Variants in TMEM163 observed in about 807,000 individuals in gnomAD.
The protein encoded by TMEM163 is transmembrane protein 163.
Under a neutral mutation model 29.3 loss-of-function variants are expected in TMEM163, and 17 were observed. That is an observed-to-expected ratio of 0.58 (90% confidence interval 0.40 to 0.87). The LOEUF is 0.87. Ranked by LOEUF, TMEM163 falls within the 40% of genes least tolerant of loss-of-function variation. The pLI is 0.00. For missense variants in TMEM163, 303 were observed against 381.5 expected (o/e 0.79, Z 1.71); for synonymous variants, 157 against 160.6 (o/e 0.98, Z 0.17).
chr2:134,532,411 CG>C (rs1680435707), intron 4 of TMEM163, among the ~76,000 whole-genome samples: 1 of 152,172 alleles, frequency 6.6e-6, no homozygotes, highest in Admixed American at 6.5e-5. Flanking sequence ...ACAACAGATG[CG>C]GAAAAATTAC....
At chr2:134,506,871 C>T (rs1679836230) in intron 4 of TMEM163, among the ~76,000 whole-genome samples, 1 of 152,164 alleles carries the variant, frequency 6.6e-6, no homozygotes. Context: ...TGGCCTCAAC[C>T]CAGAAAGGCT....
At chr2:134,601,128 T>C (rs1361732008) in intron 2 of TMEM163, among the ~76,000 whole-genome samples, 1 of 152,160 alleles carries the variant, frequency 6.6e-6, no homozygotes, top group East Asian at 1.9e-4. Flanking sequence ...ATTTTACAAC[T>C]GCAATGGAGG....
At chr2:134,693,400 A>G (rs1684515517) in intron 2 of TMEM163, among the ~76,000 whole-genome samples, 1 of 152,152 alleles carries the variant, frequency 6.6e-6, no homozygotes. Context: ...TGAGGTCAGG[A>G]GTTCGAGACC....
chr2:134,571,139 T>C (rs1457475447), intron 2 of TMEM163, among the ~76,000 whole-genome samples: 1 of 152,158 alleles, frequency 6.6e-6, no homozygotes, highest in African/African-American at 2.4e-5. Context: ...CTTCAACAAG[T>C]TCCCCTCAAA....
In TMEM163 at chr2:134,630,686, C is replaced by A. The variant is rs144521053; in HGVS notation, c.323-78595G>T. On this transcript the variant is annotated intron_variant, in intron 2 of 7. Coordinates refer to ENST00000281924, the MANE Select transcript of TMEM163 (RefSeq NM_030923.5). ...CAGGGGTCTGACAGCCAGGTCCTCT[C>A]CCCTGGGCCCCTCCCTCCCTACCCA... is the stretch of plus-strand genomic sequence containing the variant. Among the ~76,000 whole-genome samples the A allele has an allele frequency of 7.0e-4, 106 of 152,294 alleles. No homozygotes were observed. In the South Asian group the frequency reaches 8.5e-3, roughly 12 times the overall value.
chr2:134,705,244 ACCC>A (rs1684785095), intron 2 of TMEM163, among the ~76,000 whole-genome samples: 1 of 151,940 alleles, frequency 6.6e-6, no homozygotes, highest in African/African-American at 2.4e-5. Flanking sequence ...TGATGCCCTA[ACCC>A]CCAGTACCCC....
rs546189079 is a variant in TMEM163, at chr2:134,610,482, A to G, written c.323-58391T>C. Among the ~76,000 whole-genome samples, 67 of 152,302 alleles carry G rather than the reference A, an allele frequency of 4.4e-4. No homozygotes were observed. In the South Asian group the frequency reaches 6.4e-3, roughly 15 times the overall value. On this transcript the variant is annotated intron_variant, in intron 2 of 7. Transcript: ENST00000281924. Reference sequence around the variant, plus strand: ...GTGGTCTGGGGGGAGGTCTGGGGACATACAGTCCCGGTGGATTCCCAAGTG... The same window carrying G: ...GTGGTCTGGGGGGAGGTCTGGGGACGTACAGTCCCGGTGGATTCCCAAGTG...
chr2:134,517,367 C>T (rs895109201), intron 4 of TMEM163, among the ~76,000 whole-genome samples: 14 of 152,178 alleles, frequency 9.2e-5, no homozygotes, highest in South Asian at 8.3e-4. Context: ...TGGGGAATTA[C>T]GGAGAAATAG....
chr2:134,571,269 C>T (rs893716515), intron 2 of TMEM163, among the ~76,000 whole-genome samples: 2 of 152,194 alleles, frequency 1.3e-5, no homozygotes, highest in African/African-American at 4.8e-5. Context: ...TGCCCATATA[C>T]TGTCTCGCTT....
At chr2:134,600,049 T>A (rs1366038711) in intron 2 of TMEM163, among the ~76,000 whole-genome samples, 1 of 152,202 alleles carries the variant, frequency 6.6e-6, no homozygotes, top group Non-Finnish European at 1.5e-5. Context: ...AGCAGGAGTT[T>A]GTCTGCTTTG....
intron 4 of TMEM163, among the ~76,000 whole-genome samples, chr2:134,503,243 A>G (rs1304261957): frequency 6.6e-6 from 1 of 152,236 alleles, no homozygotes; most frequent in Admixed American, 6.5e-5. Context: ...AGCTCACAGC[A>G]TACCATGAAT....
intron 2 of TMEM163, among the ~76,000 whole-genome samples, chr2:134,603,544 G>A (rs1009715342): frequency 2.0e-5 from 3 of 152,280 alleles, no homozygotes; most frequent in South Asian, 2.1e-4. Flanking sequence ...AACACCACTA[G>A]TAGAACTGCT....
intron 2 of TMEM163, among the ~76,000 whole-genome samples, chr2:134,687,922 G>A (rs1347128289): frequency 6.6e-6 from 1 of 152,104 alleles, no homozygotes. Context: ...GGATTTACAT[G>A]GGGAAGAGTT....
intron 2 of TMEM163, among the ~76,000 whole-genome samples, chr2:134,553,412 G>A (rs1680975179): frequency 6.6e-6 from 1 of 152,206 alleles, no homozygotes; most frequent in African/African-American, 2.4e-5. Flanking sequence ...CATTTTCTGT[G>A]ACTTAGGACT....
intron 2 of TMEM163, among the ~76,000 whole-genome samples, chr2:134,686,807 T>C (rs1452242455): frequency 6.6e-6 from 1 of 152,156 alleles, no homozygotes; most frequent in African/African-American, 2.4e-5. Flanking sequence ...CATGAGATTT[T>C]TGGGTCAGAG....
intron 2 of TMEM163, among the ~76,000 whole-genome samples, chr2:134,706,071 T>TC (rs905937280): frequency 4.9e-4 from 75 of 151,880 alleles, no homozygotes; most frequent in African/African-American, 1.8e-3. Context: ...CTGAGACCCC[T>TC]CCCCCACTCC....
intron 5 of TMEM163, among the ~76,000 whole-genome samples, chr2:134,474,837 G>A (rs975944774): frequency 5.3e-5 from 8 of 151,998 alleles, no homozygotes; most frequent in African/African-American, 1.4e-4. Flanking sequence ...AAAATATTAC[G>A]GAGATAAATT....
chr2:134,494,994 AGGTTCTCCCTCCCT>A (rs1679516267), intron 5 of TMEM163, among the ~76,000 whole-genome samples: 2 of 102,034 alleles, frequency 2.0e-5, no homozygotes, highest in South Asian at 7.6e-4. Flanking sequence ...TCTCCCTCCC[AGGTTCTCCCTCCCT>A]CTGTCAAACG....
rs117977695 is a variant in TMEM163 at position 134,464,841 on chromosome 2, G to A, written c.667+1273C>T. On this transcript the variant is annotated intron_variant, in intron 6 of 7. Coordinates refer to ENST00000281924, the MANE Select transcript of TMEM163 (RefSeq NM_030923.5). The stretch of plus-strand genomic sequence containing the variant: ...CAGAGCTCTGTCCCAGGGTGGAAAC[G>A]TCACTTTGGCTTCCCATGTCCCTGC... 1.4e-4 allele frequency among the ~76,000 whole-genome samples: 21 copies of A among 152,164 alleles called. No individual in the cohort carries two copies. In the East Asian group the frequency reaches 2.7e-3, roughly 20 times the overall value.
Sources: gnomAD v4.1 joint callset for allele counts (sites outside exome capture counted in the v4.1 genomes callset) on GRCh38, gnomAD v4.1.1 for gene constraint, MANE v1.5 for transcripts, NCBI Gene and HGNC (gene_info 2026-07-23, HGNC 2026-07-21) for gene names.